The following SCAMP1 variants were observed in gnomAD, a reference collection of about 807,000 sequenced individuals.
The protein encoded by SCAMP1 is secretory carrier membrane protein 1, also known as secretory carrier-associated membrane protein 1.
SCAMP1 carries 15 observed loss-of-function variants against 41.8 expected under a neutral mutation model. The ratio of observed to expected loss-of-function variants is 0.36; its 90% CI spans 0.24 to 0.55. SCAMP1 has a LOEUF of 0.55. SCAMP1 is among the 20% of genes least tolerant of loss of function. The probability of loss-of-function intolerance (pLI) is 0.86; values close to 1 mark genes in which losing one functional copy is unlikely to be tolerated. For synonymous variants in SCAMP1, 135 were observed against 136.8 expected, an observed-to-expected ratio of 0.99 and a Z score of 0.09; for missense variants, 341 against 412.6, an observed-to-expected ratio of 0.83 and a Z score of 1.50.
intron 1 of SCAMP1, chr5:78,370,646 C>G (rs1302706427): frequency 6.6e-6 from 1 of 152,172 alleles, no homozygotes; most frequent in Admixed American, 6.5e-5. Flanking sequence ...CATTCCTGTA[C>G]AAGTGTTCTG....
intron 2 of SCAMP1, among the ~76,000 whole-genome samples, chr5:78,407,820 A>G (rs1751971228): frequency 6.6e-6 from 1 of 152,124 alleles, no homozygotes; most frequent in Non-Finnish European, 1.5e-5. Context: ...TTTAAAAGTC[A>G]TTATTATAGT....
intron 2 of SCAMP1, among the ~76,000 whole-genome samples, chr5:78,392,630 C>T (rs551193587): frequency 7.9e-4 from 120 of 152,260 alleles, no homozygotes; most frequent in African/African-American, 2.8e-3. Flanking sequence ...AGTGAGAAGC[C>T]AATTTACAAT....
intron 2 of SCAMP1, among the ~76,000 whole-genome samples, chr5:78,412,878 C>A (rs913458647): frequency 9.2e-5 from 14 of 152,034 alleles, no homozygotes; most frequent in Non-Finnish European, 1.9e-4. Context: ...TAATTAAATT[C>A]GTCAATTTTG....
intron 7 of SCAMP1, among the ~76,000 whole-genome samples, chr5:78,457,566 G>C (rs1753451357): frequency 1.3e-5 from 2 of 152,138 alleles, no homozygotes; most frequent in African/African-American, 4.8e-5. Flanking sequence ...CTGCGTGCTG[G>C]GAGAACCACT....
intron 1 of SCAMP1, among the ~76,000 whole-genome samples, chr5:78,373,882 G>A (rs1039240708): frequency 1.3e-5 from 2 of 152,048 alleles, no homozygotes; most frequent in South Asian, 4.1e-4. Flanking sequence ...CATATTCTCA[G>A]TCTTTATCAA....
intron 6 of SCAMP1, among the ~76,000 whole-genome samples, chr5:78,426,723 C>T (rs1215324802): frequency 6.6e-6 from 1 of 152,212 alleles, no homozygotes; most frequent in Non-Finnish European, 1.5e-5. Context: ...ACACAATTCT[C>T]ATTCCTTTCC....
At position 78,418,085 on chromosome 5, in the gene SCAMP1, A is replaced by G. The variant is rs151035936; in HGVS notation, c.344-690A>G. ...TATTTTTAATCTGGTTTCTTTATGT[A>G]GACACATTTTTTTCCCTTTACAGTT... On this transcript the variant is annotated intron_variant, in intron 4 of 8. Transcript: ENST00000621999. 3.5e-3 allele frequency among the ~76,000 whole-genome samples: 533 copies of G among 152,090 alleles called. 15 individuals carry two copies. The highest frequency in any genetic ancestry group is 0.033 in the Admixed American group (507 of 15,274).
At chr5:78,455,484 T>C (rs1310235459) in intron 7 of SCAMP1, among the ~76,000 whole-genome samples, 1 of 131,236 alleles carries the variant, frequency 7.6e-6, no homozygotes, top group African/African-American at 3.0e-5. Context: ...TTCCATGTAG[T>C]TGAGTGGTTT....
At chr5:78,443,250 A>G (rs1177404104) in intron 6 of SCAMP1, among the ~76,000 whole-genome samples, 1 of 150,884 alleles carries the variant, frequency 6.6e-6, no homozygotes, top group Non-Finnish European at 1.5e-5. Context: ...ATTTTACCTT[A>G]ATAGATGCAC....
chr5:78,470,662 G>A (rs923850006), intron 8 of SCAMP1, among the ~76,000 whole-genome samples: 1 of 152,020 alleles, frequency 6.6e-6, no homozygotes, highest in Non-Finnish European at 1.5e-5. Context: ...TACCTCTCTT[G>A]TGTACATATA....
rs955044769 is a variant in SCAMP1, at chr5:78,476,143, G to T, written c.*475G>T. Reference sequence around the variant, plus strand: ...TTTTAAATTGGCTTGCTTTTTAGCTGTTTCAGTCACCAGTGAAGAGCCTAT... The same window carrying T: ...TTTTAAATTGGCTTGCTTTTTAGCTTTTTCAGTCACCAGTGAAGAGCCTAT... On this transcript the variant is annotated 3_prime_UTR_variant, in exon 9 of 9. Transcript: ENST00000621999. 1 of 152,572 alleles carries T rather than the reference G, an allele frequency of 6.6e-6. No homozygotes were observed. Among genetic ancestry groups the T allele is most frequent in the South Asian group, 2.1e-4 (1 of 4,830 alleles). 9.5% of individuals were successfully genotyped at this position (152,572 alleles called of 1,614,324 possible).
At chr5:78,448,121 ACTT>A (rs1408769426) in intron 6 of SCAMP1, among the ~76,000 whole-genome samples, 1 of 19,070 alleles carries the variant, frequency 5.2e-5, no homozygotes, top group South Asian at 2.3e-3. Context: ...TGCTACTACT[ACTT>A]CTTCCTCTTC....
intron 6 of SCAMP1, among the ~76,000 whole-genome samples, chr5:78,429,736 C>CA (rs1752556440): frequency 1.3e-5 from 2 of 151,986 alleles, no homozygotes; most frequent in Non-Finnish European, 2.9e-5. Flanking sequence ...TGCCTTTGGA[C>CA]AGAATACTGA....
chr5:78,430,977 C>G (rs926804956), intron 6 of SCAMP1, among the ~76,000 whole-genome samples: 18 of 151,970 alleles, frequency 1.2e-4, no homozygotes, highest in Admixed American at 8.5e-4. Context: ...AGCTTATTTC[C>G]TAATAGCTTT....
chr5:78,413,096 T>C (rs1408203765), intron 2 of SCAMP1, among the ~76,000 whole-genome samples: 5 of 152,242 alleles, frequency 3.3e-5, no homozygotes, highest in African/African-American at 1.2e-4. Flanking sequence ...CAGTTTTAGA[T>C]CATGAATTTA....
At chr5:78,374,150 G>T (rs913329614) in intron 1 of SCAMP1, among the ~76,000 whole-genome samples, 3 of 152,102 alleles carry the variant, frequency 2.0e-5, no homozygotes, top group African/African-American at 7.2e-5. Flanking sequence ...CCACACTTTA[G>T]TTGGGAGATA....
intron 8 of SCAMP1, among the ~76,000 whole-genome samples, chr5:78,462,526 G>T (rs909926958): frequency 1.3e-5 from 2 of 152,098 alleles, no homozygotes; most frequent in Admixed American, 1.3e-4. Flanking sequence ...ATTTCGCCAT[G>T]TTGGCCAGTC....
rs148396447 is a variant in SCAMP1, at chr5:78,379,176, A to T, written c.58-9661A>T. ...TAATTGATCTTAAGGAAGTTTCCTGACCTTGTTTAAGGCCACAGCTTCTTT... is the reference window on the plus strand; with the variant it reads ...TAATTGATCTTAAGGAAGTTTCCTGTCCTTGTTTAAGGCCACAGCTTCTTT... On this transcript the variant is annotated intron_variant, in intron 1 of 8. Coordinates refer to ENST00000621999, the MANE Select transcript of SCAMP1 (RefSeq NM_004866.6). 3.7e-4 allele frequency among the ~76,000 whole-genome samples: 56 copies of T among 152,320 alleles called. 1 individual carries two copies. The East Asian group carries it at 7.9e-3, about 21-fold the overall frequency.
Position 78,391,447 on chromosome 5 carries a change from C to T in SCAMP1, c.135+2533C>T, listed in dbSNP as rs567977256. 5.5e-4 allele frequency among the ~76,000 whole-genome samples: 84 copies of T among 151,734 alleles called. No individual in the cohort carries two copies. In the East Asian group the frequency reaches 0.011, roughly 21 times the overall value. ...CTCCCTCCCGGACAGGGCGGCTGGC[C>T]TGGCGGGGGCTGACCCCCACCTCCC... On this transcript the variant is annotated intron_variant, in intron 2 of 8. Coordinates refer to ENST00000621999, the MANE Select transcript of SCAMP1 (RefSeq NM_004866.6).
Sources: allele counts gnomAD v4.1 joint callset (sites outside exome capture counted in the v4.1 genomes callset), GRCh38; gene constraint gnomAD v4.1.1; transcripts MANE v1.5; gene names NCBI Gene and HGNC (gene_info 2026-07-23, HGNC 2026-07-21).